Variants in RABGAP1L observed in about 807,000 individuals in gnomAD.
RABGAP1L encodes the protein RAB GTPase activating protein 1 like.
RABGAP1L carries 63 observed loss-of-function variants against 137.7 expected under a neutral mutation model. The observed-to-expected ratio is 0.46, with a 90% CI of 0.37 to 0.56. The LOEUF (loss-of-function observed/expected upper bound fraction) is 0.56, where lower values mean the gene tolerates loss of function less well. Among genes scored for constraint, RABGAP1L ranks in the 20% least tolerant of loss-of-function variants. RABGAP1L has a pLI of 0.00. For missense variants in RABGAP1L, 1,095 were observed against 1,244.0 expected, an observed-to-expected ratio of 0.88 and a Z score of 1.80; for synonymous variants, 431 against 433.7, an observed-to-expected ratio of 0.99 and a Z score of 0.08.
intron 15 of RABGAP1L, among the ~76,000 whole-genome samples, chr1:174,687,384 A>G (rs1678556153): frequency 6.6e-6 from 1 of 152,210 alleles, no homozygotes; most frequent in Non-Finnish European, 1.5e-5. Context: ...AACTTGAAAT[A>G]TAGAAATCCT....
At chr1:174,465,004 A>G (rs1657125967) in intron 13 of RABGAP1L, among the ~76,000 whole-genome samples, 2 of 152,090 alleles carry the variant, frequency 1.3e-5, no homozygotes, top group African/African-American at 4.8e-5. Context: ...AAATCTTCCT[A>G]TTGATCCTAT....
intron 1 of RABGAP1L, among the ~76,000 whole-genome samples, chr1:174,184,485 A>G (rs952818525): frequency 6.6e-6 from 1 of 152,240 alleles, no homozygotes; most frequent in Non-Finnish European, 1.5e-5. Flanking sequence ...CTTCCAAAGT[A>G]GCTGTATTAT....
At chr1:174,231,118 T>G in intron 3 of RABGAP1L, 27 bp from the exon 4 acceptor site, 1 of 1,538,164 alleles carries the variant, frequency 6.5e-7, no homozygotes, top group Non-Finnish European at 8.9e-7. Flanking sequence ...CAATGACTTT[T>G]GAGTGTTTCT....
chr1:174,434,288 G>T (rs1438898985), intron 13 of RABGAP1L, among the ~76,000 whole-genome samples: 1 of 152,242 alleles, frequency 6.6e-6, no homozygotes, highest in East Asian at 1.9e-4. Context: ...ATTCATCCAT[G>T]TTATGTGTGT....
chr1:174,286,999 T>C (rs1235290016), intron 10 of RABGAP1L, among the ~76,000 whole-genome samples: 2 of 152,128 alleles, frequency 1.3e-5, no homozygotes, highest in African/African-American at 4.8e-5. Context: ...CAAGAATGTG[T>C]ATTTTGCTGC....
At chr1:174,353,255 G>A (rs1341613386) in intron 11 of RABGAP1L, among the ~76,000 whole-genome samples, 1 of 152,094 alleles carries the variant, frequency 6.6e-6, no homozygotes, top group Non-Finnish European at 1.5e-5. Flanking sequence ...TTTTACTATT[G>A]CTCAGCTGGT....
chr1:174,574,509 G>C (rs1668220455), intron 13 of RABGAP1L, among the ~76,000 whole-genome samples: 1 of 151,998 alleles, frequency 6.6e-6, no homozygotes. Flanking sequence ...CTCTCCTATT[G>C]ATGAAAAGAT....
intron 19 of RABGAP1L, among the ~76,000 whole-genome samples, chr1:174,906,299 G>A (rs1659077888): frequency 6.6e-6 from 1 of 152,044 alleles, no homozygotes; most frequent in Non-Finnish European, 1.5e-5. Context: ...GAATATAGGT[G>A]TGTCCACCAT....
intron 13 of RABGAP1L, among the ~76,000 whole-genome samples, chr1:174,439,802 C>T (rs1320928128): frequency 4.6e-5 from 7 of 152,080 alleles, no homozygotes; most frequent in South Asian, 2.1e-4. Context: ...CTTATTTGTT[C>T]GACACCTATT....
chr1:174,788,702 G>A (rs1303812033), intron 18 of RABGAP1L, among the ~76,000 whole-genome samples: 4 of 152,034 alleles, frequency 2.6e-5, no homozygotes, highest in Non-Finnish European at 4.4e-5. Context: ...TGTACTTACT[G>A]GCCTCAAATG....
At chr1:174,449,337 C>T (rs1655166496) in intron 13 of RABGAP1L, 1 of 675,770 alleles carries the variant, frequency 1.5e-6, no homozygotes, top group South Asian at 2.6e-5. Flanking sequence ...AGGTTTCTCT[C>T]TTTTTTTTTC....
intron 13 of RABGAP1L, among the ~76,000 whole-genome samples, chr1:174,615,666 G>T (rs1671765007): frequency 6.6e-6 from 1 of 152,226 alleles, no homozygotes; most frequent in Non-Finnish European, 1.5e-5. Flanking sequence ...GTTTGTGTGT[G>T]CCCTGCCCCC....
chr1:174,671,884 A>T (rs890150112), intron 14 of RABGAP1L, among the ~76,000 whole-genome samples: 4 of 152,134 alleles, frequency 2.6e-5, no homozygotes, highest in Admixed American at 1.3e-4. Flanking sequence ...AATTGGTGTT[A>T]GTGTTTTAAA....
chr1:174,718,502 G>A (rs1409511663), intron 17 of RABGAP1L, among the ~76,000 whole-genome samples: 1 of 152,226 alleles, frequency 6.6e-6, no homozygotes, highest in Non-Finnish European at 1.5e-5. Context: ...AAGAAAGGAT[G>A]ATAGAGGAAG....
chr1:174,241,785 T>C, intron 5 of RABGAP1L, 128 bp downstream of exon 5: 1 of 849,490 alleles, frequency 1.2e-6, no homozygotes, highest in East Asian at 2.8e-5. Context: ...AAAATTAATA[T>C]TTGTAATGAC....
intron 13 of RABGAP1L, among the ~76,000 whole-genome samples, chr1:174,406,041 A>G (rs1649229672): frequency 6.6e-6 from 1 of 152,142 alleles, no homozygotes; most frequent in African/African-American, 2.4e-5. Context: ...GAGGTTCTTT[A>G]AGAAAATATA....
At chr1:174,348,863 T>C (rs1174029455) in intron 11 of RABGAP1L, among the ~76,000 whole-genome samples, 3 of 152,212 alleles carry the variant, frequency 2.0e-5, no homozygotes, top group Non-Finnish European at 4.4e-5. Context: ...TACCTCTTTC[T>C]ACACAGACAC....
intron 13 of RABGAP1L, among the ~76,000 whole-genome samples, chr1:174,580,467 T>C (rs1668656750): frequency 6.6e-6 from 1 of 152,198 alleles, no homozygotes; most frequent in Non-Finnish European, 1.5e-5. Flanking sequence ...AATGATAAGT[T>C]CATGTCCTTC....
chr1:174,281,101 A>T (rs1455864042), intron 10 of RABGAP1L, among the ~76,000 whole-genome samples: 3 of 152,190 alleles, frequency 2.0e-5, no homozygotes, highest in Admixed American at 6.5e-5. Flanking sequence ...GTTACAGCTC[A>T]TAAAGGTAGT....
Sources: gnomAD v4.1 joint callset for allele counts (sites outside exome capture counted in the v4.1 genomes callset) on GRCh38, gnomAD v4.1.1 for gene constraint, MANE v1.5 for transcripts, NCBI Gene and HGNC (gene_info 2026-07-23, HGNC 2026-07-21) for gene names.